Variants in CEP350 observed in about 807,000 individuals in gnomAD.
The protein encoded by CEP350 is centrosomal protein 350.
Under a neutral mutation model 331.8 loss-of-function variants are expected in CEP350, and 126 were observed. The ratio of observed to expected loss-of-function variants is 0.38; its 90% CI spans 0.33 to 0.44. The LOEUF (loss-of-function observed/expected upper bound fraction) is 0.44, where lower values mean the gene tolerates loss of function less well. CEP350 is among the 20% of genes least tolerant of loss of function. The probability of loss-of-function intolerance (pLI) is 1.00; values close to 1 mark genes in which losing one functional copy is unlikely to be tolerated. For synonymous variants in CEP350, 1,200 were observed against 1,259.5 expected, an observed-to-expected ratio of 0.95 and a Z score of 1.00; for missense variants, 3,406 against 3,634.6, an observed-to-expected ratio of 0.94 and a Z score of 1.62.
chr1:180,073,736 T>G (rs1158684415), intron 27 of CEP350: 3 of 1,285,590 alleles, frequency 2.3e-6, no homozygotes, highest in Non-Finnish European at 3.1e-6. Flanking sequence ...TTTCTCATTC[T>G]TCCTGCCTCT....
At chr1:180,089,582 C>CAA (rs71660691) in intron 32 of CEP350, among the ~76,000 whole-genome samples, 25 of 86,172 alleles carry the variant, frequency 2.9e-4, no homozygotes, top group African/African-American at 9.5e-4. Flanking sequence ...GACTCCATCT[C>CAA]AAAAAAAAAA....
At chr1:179,974,149 G>A (rs1301786078) in intron 1 of CEP350, among the ~76,000 whole-genome samples, 2 of 151,672 alleles carry the variant, frequency 1.3e-5, no homozygotes, top group Non-Finnish European at 1.5e-5. Context: ...GCGTGATCTC[G>A]GCTCACTGCA....
chr1:179,993,121 G>C (rs1653212080), intron 5 of CEP350, among the ~76,000 whole-genome samples: 1 of 151,746 alleles, frequency 6.6e-6, no homozygotes, highest in African/African-American at 2.4e-5. Context: ...GAATGTATCT[G>C]GGATGGTCAG....
chr1:180,014,732 C>T (rs1230497247), intron 10 of CEP350, among the ~76,000 whole-genome samples: 1 of 152,134 alleles, frequency 6.6e-6, no homozygotes, highest in Non-Finnish European at 1.5e-5. Context: ...TTATTTTCCT[C>T]TCATCATTGC....
intron 25 of CEP350, among the ~76,000 whole-genome samples, chr1:180,058,059 G>A (rs1307780925): frequency 6.6e-6 from 1 of 152,144 alleles, no homozygotes; most frequent in Non-Finnish European, 1.5e-5. Context: ...GAGAGCAATT[G>A]CCACTACCTG....
rs553880624 is a variant in CEP350 at position 180,063,367 on chromosome 1, A to AT, written c.5409+1007dup. ...CCTCCACCCTCAGCTAATTTTTTGTATTTTTTATAGAGATGGAGTTTCGCC... is the reference window on the plus strand; with the variant it reads ...CCTCCACCCTCAGCTAATTTTTTGTATTTTTTTATAGAGATGGAGTTTCGCC... On this transcript the variant is annotated intron_variant, in intron 26 of 37. Coordinates refer to ENST00000367607, the MANE Select transcript of CEP350 (RefSeq NM_014810.5). 4.9e-3 allele frequency among the ~76,000 whole-genome samples: 750 copies of AT among 151,586 alleles called. 7 individuals carry two copies. Among genetic ancestry groups the AT allele is most frequent in the South Asian group, 0.018 (88 of 4,800 alleles).
At chr1:180,086,111 T>G (rs987274541) in intron 31 of CEP350, among the ~76,000 whole-genome samples, 3 of 152,194 alleles carry the variant, frequency 2.0e-5, no homozygotes, top group Non-Finnish European at 4.4e-5. Context: ...TTAATAGATC[T>G]GGAGAAAATA....
chr1:180,002,897 C>A (rs1248509899), intron 6 of CEP350, among the ~76,000 whole-genome samples: 1 of 152,036 alleles, frequency 6.6e-6, no homozygotes, highest in Non-Finnish European at 1.5e-5. Context: ...ATAGGAAAAT[C>A]CATAAAGATA....
intron 17 of CEP350, among the ~76,000 whole-genome samples, chr1:180,040,624 A>G (rs1656700384): frequency 6.7e-6 from 1 of 149,186 alleles, no homozygotes; most frequent in Non-Finnish European, 1.5e-5. Context: ...ATTTAGCAGT[A>G]TTTCAAAGGA....
intron 14 of CEP350, among the ~76,000 whole-genome samples, chr1:180,028,866 G>T (rs1655840664): frequency 6.6e-6 from 1 of 152,078 alleles, no homozygotes; most frequent in Non-Finnish European, 1.5e-5. Flanking sequence ...TTTAATGTAG[G>T]TTTAAAACAT....
rs777024783 is a variant in CEP350 at position 180,031,312 on chromosome 1, C to A, written c.3551-8C>A. 2 of 1,569,788 alleles carry A rather than the reference C, an allele frequency of 1.3e-6. No individual in the cohort carries two copies. Among genetic ancestry groups the A allele is most frequent in the South Asian group, 1.1e-5 (1 of 88,296 alleles). ...GGGAATCAGCTTTATAAGAAATTTA[C>A]TTTACAGGGTTGGATTCATTCACTG... On this transcript the variant is annotated splice_polypyrimidine_tract_variant and splice_region_variant and intron_variant, in intron 14 of 37. Transcript: ENST00000367607.
intron 19 of CEP350, 47 bp from the exon 20 acceptor site, chr1:180,043,009 C>T (rs757832932): frequency 1.1e-5 from 18 of 1,578,430 alleles, no homozygotes; most frequent in Admixed American, 1.8e-5. Flanking sequence ...AGTTCTCTGA[C>T]CTTACGTTTT....
At chr1:180,041,874 TG>T in intron 19 of CEP350, 72 bp downstream of exon 19, 2 of 1,391,758 alleles carry the variant, frequency 1.4e-6, no homozygotes, top group Non-Finnish European at 9.9e-7. Flanking sequence ...TCTTCAGTAA[TG>T]GGTTTCTAAT....
intron 25 of CEP350, among the ~76,000 whole-genome samples, chr1:180,057,265 A>T (rs1657912211): frequency 6.6e-6 from 1 of 151,088 alleles, no homozygotes; most frequent in Non-Finnish European, 1.5e-5. Flanking sequence ...CACCCAGCTA[A>T]TTTTTTTGTA....
chr1:179,999,252 A>G (rs1653696086), intron 6 of CEP350, among the ~76,000 whole-genome samples: 1 of 152,162 alleles, frequency 6.6e-6, no homozygotes, highest in Non-Finnish European at 1.5e-5. Context: ...ATAAAAACCT[A>G]AAAGTTAAAA....
intron 27 of CEP350, among the ~76,000 whole-genome samples, chr1:180,068,218 A>C (rs1455670349): frequency 6.6e-6 from 1 of 152,062 alleles, no homozygotes; most frequent in Non-Finnish European, 1.5e-5. Context: ...CTTTTTTAAT[A>C]TTTTACTGAG....
chr1:180,108,240 T>C lies in CEP350; in HGVS notation c.9190-2757T>C, dbSNP rs116770203. Among the ~76,000 whole-genome samples, 1,390 of 152,260 alleles carry C rather than the reference T, an allele frequency of 9.1e-3. 22 individuals carry two copies. Among genetic ancestry groups the C allele is most frequent in the African/African-American group, 0.03 (1,233 of 41,530 alleles). On this transcript the variant is annotated intron_variant, in intron 37 of 37. Transcript: ENST00000367607. The stretch of plus-strand genomic sequence containing the variant: ...CCGAGAGAGAGAATAAAAAATGTCA[T>C]GAGCATATATTTCTACTGCAAGTGC...
At chr1:179,975,976 A>G (rs1558073034) in intron 1 of CEP350, among the ~76,000 whole-genome samples, 1 of 152,210 alleles carries the variant, frequency 6.6e-6, no homozygotes, top group East Asian at 1.9e-4. Flanking sequence ...TCAGGAGTTA[A>G]GAGAGGTAAG....
At position 180,080,638 on chromosome 1, in the gene CEP350, A is replaced by C; in HGVS notation, c.6101A>C (p.Glu2034Ala). 1 of 1,613,738 alleles carries C rather than the reference A, an allele frequency of 6.2e-7. No homozygotes were observed. Among genetic ancestry groups the C allele is most frequent in the Non-Finnish European group, 8.5e-7 (1 of 1,179,768 alleles). The change falls in exon 30 of 38, where the codon GAG becomes GCG. Residue 2034 changes from glutamate (E) to alanine (A), a missense_variant. Transcript: ENST00000367607. ...CAGCACTGTTATAGTTGGTCAGATG[A>C]GTCATTATCTATGACACAGTCAGGT... ...SHQHCYSWSDESLSMTQSETT... is the reference protein window; with the variant it reads ...SHQHCYSWSDASLSMTQSETT...
Sources: allele counts gnomAD v4.1 joint callset (sites outside exome capture counted in the v4.1 genomes callset), GRCh38; gene constraint gnomAD v4.1.1; transcripts MANE v1.5; gene names NCBI Gene and HGNC (gene_info 2026-07-23, HGNC 2026-07-21).